The following SIRPB2 variants were observed in gnomAD, a reference collection of about 807,000 sequenced individuals.
The protein encoded by SIRPB2 is signal regulatory protein beta 2.
SIRPB2 carries 18 observed loss-of-function variants against 27.1 expected under a neutral mutation model. That is an observed-to-expected ratio of 0.66 (90% CI 0.46 to 0.98). The LOEUF is 0.98. Among genes scored for constraint, SIRPB2 ranks in the 50% least tolerant of loss-of-function variants. The probability of loss-of-function intolerance (pLI) is 0.00; values close to 1 mark genes in which losing one functional copy is unlikely to be tolerated. For missense variants in SIRPB2, 420 were observed against 417.4 expected (o/e 1.01, Z -0.06); for synonymous variants, 150 against 164.6 (o/e 0.91, Z 0.68).
intron 2 of SIRPB2, chr20:1,479,272 T>G: frequency 5.1e-6 from 1 of 195,138 alleles, no homozygotes; most frequent in Non-Finnish European, 1.1e-5. Context: ...CAGCCTCAGG[T>G]TTTGACTCTG....
At chr20:1,481,166 T>A (rs1203373082) in intron 1 of SIRPB2, among the ~76,000 whole-genome samples, 1 of 152,078 alleles carries the variant, frequency 6.6e-6, no homozygotes, top group African/African-American at 2.4e-5. Context: ...AACTTCCCCA[T>A]TTATTATTTA....
Position 1,480,099 on chromosome 20 carries a change from A to C in SIRPB2, c.86-34T>G, listed in dbSNP as rs1749813785. ...GAGGAAGAAAGACCTTGCACTGGGC[A>C]GGAAGGACTTGGAGCCCTAAATGAC... is the stretch of plus-strand genomic sequence containing the variant. On this transcript the variant is annotated intron_variant, in intron 1 of 4. Transcript: ENST00000359801. 1.9e-6 allele frequency: 3 copies of C among 1,559,214 alleles called. No homozygotes were observed. The East Asian group carries it at 6.7e-5, about 35-fold the overall frequency.
In SIRPB2 at chr20:1,482,538, T is replaced by TCTTC. The variant is rs368666155; in HGVS notation, c.86-2477_86-2474dup. ...TCCTTCCTTCCTTTCTTTCTTCCTT[T>TCTTC]CTTCCTTCCTTCCTTCCTTCCTCTC... On this transcript the variant is annotated intron_variant, in intron 1 of 4. Coordinates refer to ENST00000359801, the MANE Select transcript of SIRPB2 (RefSeq NM_001122962.2). 2.4e-3 allele frequency among the ~76,000 whole-genome samples: 353 copies of TCTTC among 149,446 alleles called. 1 individual carries two copies. Among genetic ancestry groups the TCTTC allele is most frequent in the African/African-American group, 7.7e-3 (302 of 39,446 alleles).
At chr20:1,487,434 T>C (rs1324261601) in intron 1 of SIRPB2, among the ~76,000 whole-genome samples, 1 of 152,232 alleles carries the variant, frequency 6.6e-6, no homozygotes, top group Admixed American at 6.5e-5. Context: ...GGCTTCACTT[T>C]AGCATTGATA....
Position 1,475,821 on chromosome 20 carries a change from C to G in SIRPB2, c.*346G>C. The G allele has an allele frequency of 4.5e-6, 1 of 222,706 alleles. No individual in the cohort carries two copies. The highest frequency in any genetic ancestry group is 8.9e-6 in the Non-Finnish European group (1 of 112,726). 13.8% of individuals were successfully genotyped at this position (222,706 alleles called of 1,614,324 possible). On this transcript the variant is annotated 3_prime_UTR_variant, in exon 5 of 5. Coordinates refer to ENST00000359801, the MANE Select transcript of SIRPB2 (RefSeq NM_001122962.2). ...TTACAGACATCTCCTGGGAAGAAGA[C>G]TCTGAGTTGGATGTTGGAGGCCAAG...
intron 3 of SIRPB2, 83 bp from the exon 4 acceptor site, chr20:1,477,486 G>A: frequency 6.5e-7 from 1 of 1,535,236 alleles, no homozygotes; most frequent in Non-Finnish European, 8.8e-7. Context: ...GGGATCTCTG[G>A]GATGAGTCTG....
At chr20:1,484,671 C>T (rs767119008) in intron 1 of SIRPB2, among the ~76,000 whole-genome samples, 3 of 149,776 alleles carry the variant, frequency 2.0e-5, no homozygotes, top group East Asian at 1.9e-4. Flanking sequence ...CCAGTTGGAA[C>T]GACTGTTAAA....
chr20:1,479,551 C>T (rs912498074), intron 2 of SIRPB2, 149 bp downstream of exon 2: 61 of 1,267,166 alleles, frequency 4.8e-5, no homozygotes, highest in Non-Finnish European at 6.2e-5. Context: ...AACCACCCAG[C>T]CACATGTAAA....
At chr20:1,478,911 T>C (rs1293019949) in intron 2 of SIRPB2, among the ~76,000 whole-genome samples, 2 of 152,188 alleles carry the variant, frequency 1.3e-5, no homozygotes, top group South Asian at 4.1e-4. Flanking sequence ...ACCCAGAAGA[T>C]GGCAGGACTA....
Position 1,476,021 on chromosome 20 carries a change from C to T in SIRPB2, c.*146G>A. On this transcript the variant is annotated 3_prime_UTR_variant, in exon 5 of 5. Transcript: ENST00000359801. ...GCCCGGTGCAAAGAAGGGAATTTCA[C>T]TAGGTGGACCAAAACCAGATGTAGG... is the stretch of plus-strand genomic sequence containing the variant. 1 of 866,062 alleles carries T rather than the reference C, an allele frequency of 1.2e-6. No homozygotes were observed. The highest frequency in any genetic ancestry group is 1.8e-6 in the Non-Finnish European group (1 of 563,618). The allele number at this position is 866,062 out of a possible 1,614,324, so 53.6% of individuals were successfully genotyped here.
In SIRPB2 at chr20:1,478,364, A is replaced by G. The variant is rs2090630299; in HGVS notation, c.695T>C (p.Val232Ala). The G allele has an allele frequency of 6.2e-7, 1 of 1,613,988 alleles. No homozygotes were observed. Among genetic ancestry groups the G allele is most frequent in the South Asian group, 1.1e-5 (1 of 91,086 alleles). ...ATAGGTGCCTGCATCCTCACTGGAG[A>G]CGTTTTGCAGAAGAATGCTGAAGTC... ...NNDFSILLQNVSSEDAGTYYC... is the reference protein window; with the variant it reads ...NNDFSILLQNASSEDAGTYYC... Residue 232 changes from valine (V) to alanine (A), a missense_variant, in exon 3 of 5, where the codon GTC (valine) becomes GCC (alanine). Transcript: ENST00000359801.
Position 1,477,352 on chromosome 20 carries a change from T to C in SIRPB2, c.845A>G (p.Glu282Gly), listed in dbSNP as rs760263324. Residue 282 changes from glutamate to glycine, a missense_variant, in exon 4 of 5, where the codon GAG becomes GGG. Coordinates refer to ENST00000359801, the MANE Select transcript of SIRPB2 (RefSeq NM_001122962.2). ...EAEFTSEPAT[E>G]MSPTGLLVVF... Reference sequence around the variant, plus strand: ...GGTACGCTCACCTGTTGGAGACATCTCAGTTGCAGGTTCACTGGTGAATTC... The same window carrying C: ...GGTACGCTCACCTGTTGGAGACATCCCAGTTGCAGGTTCACTGGTGAATTC... 14 of 1,614,098 alleles carry C rather than the reference T, an allele frequency of 8.7e-6. No homozygotes were observed. The highest frequency in any genetic ancestry group is 6.7e-5 in the Admixed American group (4 of 59,996).
chr20:1,480,566 C>T (rs2090661567), intron 1 of SIRPB2: 1 of 160,110 alleles, frequency 6.2e-6, no homozygotes, highest in Non-Finnish European at 1.4e-5. Flanking sequence ...TAATCTCACC[C>T]AACTGGTGTC....
At chr20:1,490,840 A>G (rs1213739075) in intron 1 of SIRPB2, among the ~76,000 whole-genome samples, 2 of 152,192 alleles carry the variant, frequency 1.3e-5, no homozygotes, top group Non-Finnish European at 1.5e-5. Flanking sequence ...TGTGTTGCTC[A>G]ATACTTTTTG....
At chr20:1,471,585 G>A (rs183686108), downstream of SIRPB2, among the ~76,000 whole-genome samples, 4 of 152,314 alleles carry the variant, frequency 2.6e-5, no homozygotes, top group Admixed American at 2.6e-4. Context: ...TGCTTGACTA[G>A]GCCTGGCATT....
At chr20:1,471,702 G>A (rs2090581613), downstream of SIRPB2, among the ~76,000 whole-genome samples, 1 of 152,154 alleles carries the variant, frequency 6.6e-6, no homozygotes, top group African/African-American at 2.4e-5. Context: ...ACTGCACCCC[G>A]ATACCGCCAC....
At position 1,476,193 on chromosome 20, in the gene SIRPB2, A is replaced by C; in HGVS notation, c.1003T>G (p.Leu335Val). The C allele has an allele frequency of 6.2e-7, 1 of 1,614,004 alleles. No homozygotes were observed. The highest frequency in any genetic ancestry group is 8.5e-7 in the Non-Finnish European group (1 of 1,179,978). ...TTGPAGAMNT[L>V]AWSKGQE ...CACTCTTGACCCTTGCTCCATGCTA[A>C]GGTGTTCATGGCTCCTGCTGGGCCT... The change falls in exon 5 of 5, where the codon TTA (leucine) becomes GTA (valine). Residue 335 changes from leucine (L) to valine (V), a missense_variant. By Grantham distance (32) the Leu-to-Val change is conservative (BLOSUM62 1). Coordinates refer to ENST00000359801, the MANE Select transcript of SIRPB2 (RefSeq NM_001122962.2).
At chr20:1,485,931 T>C (rs2090721627) in intron 1 of SIRPB2, among the ~76,000 whole-genome samples, 1 of 152,078 alleles carries the variant, frequency 6.6e-6, no homozygotes, top group Non-Finnish European at 1.5e-5. Context: ...GCCAAAGCTT[T>C]CTCAAGAAGA....
At chr20:1,486,055 CT>C (rs143317563) in intron 1 of SIRPB2, among the ~76,000 whole-genome samples, 1 of 141,794 alleles carries the variant, frequency 7.1e-6, no homozygotes, top group African/African-American at 2.5e-5. Flanking sequence ...TTTTCCATAT[CT>C]TTTTCTTTTC....
Sources: allele counts gnomAD v4.1 joint callset (sites outside exome capture counted in the v4.1 genomes callset), GRCh38; gene constraint gnomAD v4.1.1; transcripts MANE v1.5; gene names NCBI Gene and HGNC (gene_info 2026-07-23, HGNC 2026-07-21).